Variants in DNAH6 observed in about 807,000 individuals in gnomAD.
The protein encoded by DNAH6 is axonemal beta dynein heavy chain 6.
DNAH6 carries 340 observed loss-of-function variants against 491.4 expected under a neutral mutation model. The observed-to-expected ratio is 0.69, with a 90% CI of 0.63 to 0.76. DNAH6 has a LOEUF of 0.76. Among genes scored for constraint, DNAH6 ranks in the 30% least tolerant of loss-of-function variants. The pLI, the probability that DNAH6 is intolerant of heterozygous loss-of-function variation, is 0.00. For missense variants in DNAH6, 4,443 were observed against 4,972.2 expected, an observed-to-expected ratio of 0.89 and a Z score of 3.20; for synonymous variants, 1,603 against 1,686.1, an observed-to-expected ratio of 0.95 and a Z score of 1.21.
chr2:84,505,541 T>G, the DNAH6 span, among the ~76,000 whole-genome samples: 1 of 152,272 alleles, frequency 6.6e-6, no homozygotes, highest in African/African-American at 2.4e-5. Context: ...GTTTGTTTAA[T>G]GTTTTTATTT....
In DNAH6 at chr2:84,594,021, A is replaced by C; in HGVS notation, c.2660A>C (p.Lys887Thr). ...EALEEVSAEL[K>T]LKQLLWDSFS... ...TTGGAAGAAGTCAGTGCTGAACTGA[A>C]GCTCAAACAATTGCTCTGGGATTCT... The change falls in exon 17 of 77, where the codon AAG becomes ACG. Residue 887 changes from lysine (K) to threonine (T), a missense_variant. Physicochemically the swap from Lys to Thr is moderately conservative, Grantham distance 78. Transcript: ENST00000389394. 6.4e-7 allele frequency: 1 copy of C among 1,551,104 alleles called. No individual in the cohort carries two copies. Among genetic ancestry groups the C allele is most frequent in the Non-Finnish European group, 8.7e-7 (1 of 1,146,584 alleles).
At chr2:84,610,012 G>C (rs1476892575) in intron 21 of DNAH6, among the ~76,000 whole-genome samples, 2 of 152,100 alleles carry the variant, frequency 1.3e-5, no homozygotes, top group Non-Finnish European at 2.9e-5. Context: ...GAGGCCTCTT[G>C]CTCAGGGTCT....
At chr2:84,476,666 G>C in the DNAH6 span, among the ~76,000 whole-genome samples, 3 of 152,002 alleles carry the variant, frequency 2.0e-5, no homozygotes, top group African/African-American at 7.3e-5. Context: ...ACTGAGACTG[G>C]AATTTTTGCT....
the DNAH6 span, among the ~76,000 whole-genome samples, chr2:84,464,628 A>G: frequency 1.1e-4 from 17 of 152,148 alleles, no homozygotes; most frequent in African/African-American, 3.6e-4. Flanking sequence ...GGGGTAGATT[A>G]TTCATATCTC....
rs1678595686 is a variant in DNAH6 at position 84,544,613 on chromosome 2, G to A, written c.930+113G>A. The A allele has an allele frequency of 6.1e-6, 4 of 660,490 alleles. No homozygotes were observed. The East Asian group carries it at 1.1e-4, about 19-fold the overall frequency. 40.9% of individuals were successfully genotyped at this position (660,490 alleles called of 1,614,324 possible). On this transcript the variant is annotated intron_variant, in intron 5 of 76. Coordinates refer to ENST00000389394, the MANE Select transcript of DNAH6 (RefSeq NM_001370.2). The stretch of plus-strand genomic sequence containing the variant: ...GAAATCAAATATTTTATATTCTTAA[G>A]AGAATTCCCAGTTTTCATCCTGTCT...
rs537357760 is a variant in DNAH6, at chr2:84,715,468, G to A, written c.9544-92G>A. On this transcript the variant is annotated intron_variant, in intron 57 of 76. Transcript: ENST00000389394. ...GTGCAATTAGACCTGAGATACATCCGCCTGGGTAGTAATGAGCTGTGTTCT... is the reference window on the plus strand; with the variant it reads ...GTGCAATTAGACCTGAGATACATCCACCTGGGTAGTAATGAGCTGTGTTCT... 2.0e-5 allele frequency: 24 copies of A among 1,209,844 alleles called. 1 individual carries two copies. The highest frequency in any genetic ancestry group is 2.6e-5 in the Non-Finnish European group (22 of 850,102). 74.9% of individuals were successfully genotyped at this position (1,209,844 alleles called of 1,614,324 possible). A position where few individuals can be genotyped will look rare whatever the true frequency, so the allele number is the denominator to read the frequency against.
intron 15 of DNAH6, 71 bp downstream of exon 15, chr2:84,584,321 T>A (rs1301916630): frequency 2.1e-6 from 3 of 1,422,492 alleles, no homozygotes; most frequent in South Asian, 1.3e-5. Context: ...TATTAAAGTA[T>A]AATCAACAGA....
chr2:84,733,642 A>G (rs1054423402), intron 62 of DNAH6, 63 bp downstream of exon 62: 30 of 1,415,820 alleles, frequency 2.1e-5, no homozygotes, highest in Non-Finnish European at 2.7e-5. Flanking sequence ...CCTAATCTTA[A>G]TGTTTTCTTT....
chr2:84,507,678 A>G, the DNAH6 span, among the ~76,000 whole-genome samples: 5 of 152,302 alleles, frequency 3.3e-5, no homozygotes, highest in African/African-American at 1.2e-4. Flanking sequence ...GTTTTTGCCC[A>G]TTCAGTATGA....
At chr2:84,816,446 G>A (rs1382789894) in intron 76 of DNAH6, among the ~76,000 whole-genome samples, 5 of 152,058 alleles carry the variant, frequency 3.3e-5, no homozygotes, top group South Asian at 2.1e-4. Flanking sequence ...TGAATAGGCC[G>A]GGAAAGGTGG....
chr2:84,653,350 C>G lies in DNAH6; in HGVS notation c.5110C>G (p.Gln1704Glu), dbSNP rs1244147084. The G allele has an allele frequency of 1.3e-6, 2 of 1,537,816 alleles. No homozygotes were observed. The part of the protein sequence containing the change: ...GIISDLFPGV[Q>E]IPEHDYGILQ... ...CATATCTGACCTTTTTCCTGGAGTCCAAATTCCAGAACATGATTATGGTAT... is the reference window on the plus strand; with the variant it reads ...CATATCTGACCTTTTTCCTGGAGTCGAAATTCCAGAACATGATTATGGTAT... The change falls in exon 34 of 77, where the codon CAA becomes GAA. Residue 1704 changes from glutamine to glutamate, a missense_variant. Gln to Glu is a conservative substitution (Grantham distance 29, BLOSUM62 2). Transcript: ENST00000389394.
At chr2:84,533,443 T>A (rs770017765) in intron 4 of DNAH6, among the ~76,000 whole-genome samples, 26 of 152,264 alleles carry the variant, frequency 1.7e-4, no homozygotes, top group Admixed American at 4.6e-4. Flanking sequence ...ATGTTCAATA[T>A]TTTGAGTAGA....
intron 64 of DNAH6, among the ~76,000 whole-genome samples, chr2:84,763,387 T>C (rs943436019): frequency 6.6e-6 from 1 of 152,100 alleles, no homozygotes; most frequent in Non-Finnish European, 1.5e-5. Context: ...CCATTTACAT[T>C]ATTTTCTTCT....
chr2:84,496,734 A>C, the DNAH6 span, among the ~76,000 whole-genome samples: 11 of 152,182 alleles, frequency 7.2e-5, no homozygotes, highest in Admixed American at 6.5e-5. Context: ...TATAAAATGC[A>C]CATGTTCTAA....
Position 84,659,169 on chromosome 2 carries a change from G to A in DNAH6, c.6084G>A (p.Arg2028=), listed in dbSNP as rs960822395. 11 of 1,377,642 alleles carry A rather than the reference G, an allele frequency of 8.0e-6. No individual in the cohort carries two copies. Among genetic ancestry groups the A allele is most frequent in the South Asian group, 3.1e-5 (2 of 63,710 alleles). 85.3% of individuals were successfully genotyped at this position (1,377,642 alleles called of 1,614,324 possible). Reference sequence around the variant, plus strand: ...AATTTGATGATAATCCTGATGCCAGGGTAAGAACCAAATAAATTATATTTT... The same window carrying A: ...AATTTGATGATAATCCTGATGCCAGAGTAAGAACCAAATAAATTATATTTT... ...RTQFDDNPDA[R]LPNSGDLWSI... Residue 2028 remains arginine (R), a splice_region_variant and synonymous_variant, in exon 37 of 77, where the codon AGG becomes AGA. Coordinates refer to ENST00000389394, the MANE Select transcript of DNAH6 (RefSeq NM_001370.2).
At chr2:84,548,481 A>G in intron 8 of DNAH6, 64 bp downstream of exon 8, 1 of 1,588,070 alleles carries the variant, frequency 6.3e-7, no homozygotes, top group Non-Finnish European at 8.6e-7. Context: ...TAAAAATTAA[A>G]CCCCAGAAAG....
At position 84,733,713 on chromosome 2, in the gene DNAH6, A is replaced by G; in HGVS notation, c.10342+134A>G. 2 of 891,174 alleles carry G rather than the reference A, an allele frequency of 2.2e-6. 1 individual carries two copies. The highest frequency in any genetic ancestry group is 4.9e-5 in the South Asian group (2 of 41,150). The allele number at this position is 891,174 out of a possible 1,614,324, so 55.2% of individuals were successfully genotyped here. A position where few individuals can be genotyped will look rare whatever the true frequency, so the allele number is the denominator to read the frequency against. ...ACTTCCTTCATTTCTAAGAAACTGT[A>G]AATTATTTGTTTTCACAATTTCTTG... On this transcript the variant is annotated intron_variant, in intron 62 of 76. Transcript: ENST00000389394.
At chr2:84,605,878 G>A (rs111510537) in intron 20 of DNAH6, among the ~76,000 whole-genome samples, 1,681 of 152,234 alleles carry the variant, frequency 0.011, 28 homozygotes, top group African/African-American at 0.037. Flanking sequence ...GAAGTGATCA[G>A]AGCATTTTCC....
intron 13 of DNAH6, among the ~76,000 whole-genome samples, chr2:84,577,839 A>G (rs923243856): frequency 6.6e-6 from 1 of 152,208 alleles, no homozygotes; most frequent in East Asian, 1.9e-4. Flanking sequence ...AATTTCTGTA[A>G]TAAGTTTCAG....
Sources: gnomAD v4.1 joint callset for allele counts (sites outside exome capture counted in the v4.1 genomes callset) on GRCh38, gnomAD v4.1.1 for gene constraint, MANE v1.5 for transcripts, NCBI Gene and HGNC (gene_info 2026-07-23, HGNC 2026-07-21) for gene names.